The following TMEM245 variants were observed in gnomAD, a reference collection of about 807,000 sequenced individuals.
TMEM245 encodes transmembrane protein 245.
TMEM245 carries 69 observed loss-of-function variants against 101.2 expected under a neutral mutation model. The observed-to-expected ratio is 0.68, with a 90% CI of 0.56 to 0.83. The LOEUF (loss-of-function observed/expected upper bound fraction) is 0.83. Among genes scored for constraint, TMEM245 ranks in the 40% least tolerant of loss-of-function variants. The probability of loss-of-function intolerance (pLI) is 0.00; values close to 1 mark genes in which losing one functional copy is unlikely to be tolerated. For synonymous variants in TMEM245, 537 were observed against 449.8 expected, an observed-to-expected ratio of 1.19 and a Z score of -2.45; for missense variants, 1,075 against 1,092.8, an observed-to-expected ratio of 0.98 and a Z score of 0.23.
intron 17 of TMEM245, among the ~76,000 whole-genome samples, chr9:109,023,876 CCACATGTGACTGTGGT>C (rs1827717805): frequency 6.6e-6 from 1 of 151,584 alleles, no homozygotes; most frequent in African/African-American, 2.4e-5. Context: ...CAGAATGGGA[CCACATGTGACTGTGGT>C]CACATGGGAC....
intron 17 of TMEM245, among the ~76,000 whole-genome samples, chr9:109,023,973 C>T (rs1366916472): frequency 6.6e-6 from 1 of 152,010 alleles, no homozygotes; most frequent in Non-Finnish European, 1.5e-5. Flanking sequence ...TCTCACTGTT[C>T]CTTGCTCTTT....
intron 1 of TMEM245, among the ~76,000 whole-genome samples, chr9:109,112,807 G>A (rs943631470): frequency 6.6e-6 from 1 of 152,186 alleles, no homozygotes; most frequent in Non-Finnish European, 1.5e-5. Context: ...GCCGGGCGCG[G>A]TGGCTCATGC....
Position 109,080,856 on chromosome 9 carries a change from G to A in TMEM245, c.1432C>T (p.Leu478=). ...LLVIGTLLLA[L]LLTAKVHQES... ...TACTCTACCTTTGCAGTCAGGAGTA[G>A]GGCTAAAAGAAGAGTTCCTATCACT... The change falls in exon 8 of 18, where the codon CTA becomes TTA. Residue 478 remains leucine (L), a synonymous_variant. Transcript: ENST00000374586. The A allele has an allele frequency of 6.3e-7, 1 of 1,595,666 alleles. No homozygotes were observed. The highest frequency in any genetic ancestry group is 1.1e-5 in the South Asian group (1 of 90,476).
chr9:109,058,143 G>A (rs1040690189), intron 11 of TMEM245, among the ~76,000 whole-genome samples: 14 of 151,274 alleles, frequency 9.3e-5, no homozygotes, highest in Non-Finnish European at 1.6e-4. Flanking sequence ...TGTGACTACG[G>A]GCGCCTGCCA....
At chr9:109,106,718 A>T (rs1830434635) in intron 2 of TMEM245, 109 bp from the exon 3 acceptor site, 1 of 672,718 alleles carries the variant, frequency 1.5e-6, no homozygotes, top group Non-Finnish European at 2.3e-6. Context: ...TATATTAGTT[A>T]CAGAATTACT....
intron 14 of TMEM245, among the ~76,000 whole-genome samples, chr9:109,047,252 C>T (rs1248437338): frequency 6.6e-6 from 1 of 152,092 alleles, no homozygotes; most frequent in Non-Finnish European, 1.5e-5. Flanking sequence ...ACTATGGAAC[C>T]AAGACATAAG....
intron 3 of TMEM245, among the ~76,000 whole-genome samples, chr9:109,106,223 C>T (rs1830417606): frequency 9.2e-6 from 1 of 108,332 alleles, no homozygotes; most frequent in African/African-American, 3.2e-5. Context: ...GACCTTGTCA[C>T]TAAAAAATAA....
intron 9 of TMEM245, 50 bp from the exon 10 acceptor site, chr9:109,064,617 G>A (rs1454876632): frequency 2.0e-6 from 3 of 1,500,472 alleles, no homozygotes; most frequent in African/African-American, 2.8e-5. Context: ...TCTGTGTAGT[G>A]TACCAATAAT....
In TMEM245 at chr9:109,016,939, T is replaced by C. The variant is rs1827463886; in HGVS notation, c.*3521A>G. 1 of 138,744 alleles carries C rather than the reference T, an allele frequency of 7.2e-6. No homozygotes were observed. The highest frequency in any genetic ancestry group is 7.1e-5 in the Admixed American group (1 of 14,014). 8.6% of individuals were successfully genotyped at this position (138,744 alleles called of 1,614,324 possible). On this transcript the variant is annotated 3_prime_UTR_variant, in exon 18 of 18. Transcript: ENST00000374586. ...AGAAGTCCTAAGGGTTTTTGTATTT[T>C]GTTTTTTTTTCCTATAAACCCTGAG...
At chr9:109,112,637 T>C (rs904656061) in intron 1 of TMEM245, among the ~76,000 whole-genome samples, 1 of 151,892 alleles carries the variant, frequency 6.6e-6, no homozygotes, top group Admixed American at 6.6e-5. Flanking sequence ...TACAGAGCTA[T>C]ATGTATGTTA....
At chr9:109,105,159 A>G (rs4978383) in intron 3 of TMEM245, among the ~76,000 whole-genome samples, 4,806 of 152,320 alleles carry the variant, frequency 0.032, 102 homozygotes, top group Middle Eastern at 0.054. Flanking sequence ...AACAACAAAA[A>G]GGCAAACAAT....
chr9:109,108,743 A>G (rs1230062791), intron 1 of TMEM245, among the ~76,000 whole-genome samples, 173 bp from the exon 2 acceptor site: 1 of 152,222 alleles, frequency 6.6e-6, no homozygotes, highest in East Asian at 1.9e-4. Context: ...TGGAGAACCT[A>G]AGTTTTGAAA....
Position 109,060,423 on chromosome 9 carries a change from G to A in TMEM245, c.1653C>T (p.Asn551=). The part of the protein sequence containing the change: ...KLHKILGDKV[N]NTAVIEKQVL... ...CTTGCTTTTCAATTACAGCAGTATTGTTCACCTTATCTCCTAGAATTTTAT... is the reference window on the plus strand; with the variant it reads ...CTTGCTTTTCAATTACAGCAGTATTATTCACCTTATCTCCTAGAATTTTAT... Residue 551 remains asparagine, a synonymous_variant, in exon 11 of 18, where the codon AAC becomes AAT. Coordinates refer to ENST00000374586, the MANE Select transcript of TMEM245 (RefSeq NM_032012.4). 1 of 1,613,178 alleles carries A rather than the reference G, an allele frequency of 6.2e-7. No homozygotes were observed. The highest frequency in any genetic ancestry group is 2.2e-5 in the East Asian group (1 of 44,824).
chr9:109,098,511 C>A (rs563969037), intron 3 of TMEM245, among the ~76,000 whole-genome samples: 36 of 151,644 alleles, frequency 2.4e-4, no homozygotes, highest in Non-Finnish European at 5.0e-4. Flanking sequence ...TGATACCCTT[C>A]AGCACCTCAA....
Position 109,016,198 on chromosome 9 carries a change from A to T in TMEM245, c.*4262T>A, listed in dbSNP as rs1317394878. ...GTTTGTCCCCTTTTATAAATTCACAATGTGTAATAGCATGTTCAAAACTCT... is the reference window on the plus strand; with the variant it reads ...GTTTGTCCCCTTTTATAAATTCACATTGTGTAATAGCATGTTCAAAACTCT... On this transcript the variant is annotated 3_prime_UTR_variant, in exon 18 of 18. Transcript: ENST00000374586. 6.6e-6 allele frequency: 1 copy of T among 152,542 alleles called. No homozygotes were observed. Among genetic ancestry groups the T allele is most frequent in the Non-Finnish European group, 1.5e-5 (1 of 68,040 alleles). The allele number at this position is 152,542 out of a possible 1,614,324, so 9.4% of individuals were successfully genotyped here.
At chr9:109,049,650 A>G (rs918850140) in intron 14 of TMEM245, among the ~76,000 whole-genome samples, 1 of 152,080 alleles carries the variant, frequency 6.6e-6, no homozygotes, top group Non-Finnish European at 1.5e-5. Context: ...AACATGGTAA[A>G]ACCTCATCTC....
intron 14 of TMEM245, 37 bp downstream of exon 14, chr9:109,050,246 C>T: frequency 6.2e-7 from 1 of 1,607,048 alleles, no homozygotes; most frequent in Middle Eastern, 1.7e-4. Flanking sequence ...AAAAAAAGTT[C>T]TGGGAGAAAT....
intron 17 of TMEM245, among the ~76,000 whole-genome samples, chr9:109,029,778 C>T (rs796140490): frequency 5.3e-5 from 8 of 152,320 alleles, no homozygotes; most frequent in African/African-American, 1.7e-4. Context: ...TGGGGCAGAC[C>T]AGGGCACTTA....
At position 109,021,503 on chromosome 9, in the gene TMEM245, GTTTGTTTGT is replaced by G. The variant is rs1380872235; in HGVS notation, c.2595-1007_2595-999del. On this transcript the variant is annotated intron_variant, in intron 17 of 17. Coordinates refer to ENST00000374586, the MANE Select transcript of TMEM245 (RefSeq NM_032012.4). ...TGACTTTACAGTTGGTTTTTTGTTT[GTTTGTTTGT>G]TTTGTTTTGTTTTGTTTTTTGAGAC... Among the ~76,000 whole-genome samples the G allele has an allele frequency of 9.0e-3, 998 of 111,326 alleles. 16 individuals are homozygous for G. Among genetic ancestry groups the G allele is most frequent in the African/African-American group, 0.034 (945 of 27,454 alleles). 73.0% of individuals were successfully genotyped at this position (111,326 alleles called of 152,430 possible). A position where few individuals can be genotyped will look rare whatever the true frequency, so the allele number is the denominator to read the frequency against.
Sources: allele counts gnomAD v4.1 joint callset (sites outside exome capture counted in the v4.1 genomes callset), GRCh38; gene constraint gnomAD v4.1.1; transcripts MANE v1.5; gene names NCBI Gene and HGNC (gene_info 2026-07-23, HGNC 2026-07-21).